Variants in CYP26B1 observed in about 807,000 individuals in gnomAD.
CYP26B1 encodes cytochrome P450 family 26 subfamily B member 1, also known as cytochrome P450 26B1.
A neutral mutation model predicts 39.1 loss-of-function variants in CYP26B1; 8 were observed. The ratio of observed to expected loss-of-function variants is 0.20; its 90% confidence interval spans 0.12 to 0.37. The LOEUF (loss-of-function observed/expected upper bound fraction) is 0.37. Among genes scored for constraint, CYP26B1 ranks in the 10% least tolerant of loss-of-function variants. The pLI is 1.00. For missense variants in CYP26B1, 615 were observed against 707.0 expected, an observed-to-expected ratio of 0.87 and a Z score of 1.48; for synonymous variants, 321 against 314.3, an observed-to-expected ratio of 1.02 and a Z score of -0.23.
Position 72,132,128 on chromosome 2 carries a change from C to T in CYP26B1, c.*99G>A, listed in dbSNP as rs963544549. 2.2e-6 allele frequency: 3 copies of T among 1,387,592 alleles called. No individual in the cohort carries two copies. Among genetic ancestry groups the T allele is most frequent in the East Asian group, 5.0e-5 (2 of 39,978 alleles). 86.0% of individuals were successfully genotyped at this position (1,387,592 alleles called of 1,614,324 possible). A position where few individuals can be genotyped will look rare whatever the true frequency, so the allele number is the denominator to read the frequency against. ...CAAGGGAGGGCAAGTATGGGGGCCA[C>T]TCGCCCTCCCCGTTCCGGCCCCCTC... On this transcript the variant is annotated 3_prime_UTR_variant, in exon 6 of 6. Coordinates refer to ENST00000001146, the MANE Select transcript of CYP26B1 (RefSeq NM_019885.4).
At chr2:72,142,104 C>T (rs556940694) in intron 2 of CYP26B1, among the ~76,000 whole-genome samples, 2 of 151,990 alleles carry the variant, frequency 1.3e-5, no homozygotes, top group South Asian at 2.1e-4. Flanking sequence ...TTCCCCCCAC[C>T]GCATTCCTGA....
rs1677047895 is a variant in CYP26B1, at chr2:72,144,228, C to G, written c.205-15G>C. ...AAGCCAGAACCCTGCGGGAGCCACA[C>G]CCGGGTCTCTCTCAGGGTGCACTTC... On this transcript the variant is annotated splice_polypyrimidine_tract_variant and intron_variant, in intron 1 of 5. Coordinates refer to ENST00000001146, the MANE Select transcript of CYP26B1 (RefSeq NM_019885.4). 1 of 1,577,322 alleles carries G rather than the reference C, an allele frequency of 6.3e-7. No homozygotes were observed. The highest frequency in any genetic ancestry group is 1.7e-5 in the Admixed American group (1 of 58,806).
intron 2 of CYP26B1, among the ~76,000 whole-genome samples, chr2:72,138,947 C>G (rs909040932): frequency 2.0e-5 from 3 of 152,332 alleles, no homozygotes; most frequent in Non-Finnish European, 4.4e-5. Context: ...CAAAAGCATT[C>G]TCCCCAACCA....
chr2:72,136,484 G>A (rs1241594819), intron 2 of CYP26B1, among the ~76,000 whole-genome samples: 1 of 152,256 alleles, frequency 6.6e-6, no homozygotes, highest in African/African-American at 2.4e-5. Flanking sequence ...AACAGTGCTG[G>A]CCCTTCAGTG....
rs1385026392 is a variant in CYP26B1 at position 72,135,419 on chromosome 2, C to A, written c.430G>T (p.Val144Phe). ...TCGTGGCTGAAGATCTTGGAGAAGA[C>A]CTGGAAGGCAGAGAGGCAAGTGGGT... ...IGDIHRNKRK[V>F]FSKIFSHEAL... The change falls in exon 3 of 6, where the codon GTC becomes TTC. Residue 144 changes from valine to phenylalanine, a missense_variant and splice_region_variant. Val to Phe is a conservative substitution (Grantham distance 50). Transcript: ENST00000001146. 2.5e-6 allele frequency: 4 copies of A among 1,609,252 alleles called. No homozygotes were observed. The highest frequency in any genetic ancestry group is 3.4e-6 in the Non-Finnish European group (4 of 1,180,024).
Position 72,133,188 on chromosome 2 carries a change from C to T in CYP26B1, c.981G>A (p.Arg327=). 6.2e-7 allele frequency: 1 copy of T among 1,612,282 alleles called. No homozygotes were observed. The highest frequency in any genetic ancestry group is 8.5e-7 in the Non-Finnish European group (1 of 1,179,406). ...CGCCACTGTGCAGGATGCCATGAGC[C>T]CGCAGCTCATCCCGCAGCTTCTCCA... The part of the protein sequence containing the change: ...TVLEKLRDEL[R]AHGILHSGGC... Residue 327 remains arginine, a synonymous_variant, in exon 5 of 6, where the codon CGG becomes CGA. Transcript: ENST00000001146.
In CYP26B1 at chr2:72,129,377, A is replaced by G. The variant is rs528504012; in HGVS notation, c.*2850T>C. ...AGATTAAAACCACGACAGCAAAAAC[A>G]CTCACACGGTACCAGTTTCATATCA... On this transcript the variant is annotated 3_prime_UTR_variant, in exon 6 of 6. Coordinates refer to ENST00000001146, the MANE Select transcript of CYP26B1 (RefSeq NM_019885.4). The G allele has an allele frequency of 3.5e-4, 54 of 152,590 alleles. No individual in the cohort carries two copies. The highest frequency in any genetic ancestry group is 1.3e-3 in the African/African-American group (53 of 41,480). The allele number at this position is 152,590 out of a possible 1,614,324, so 9.5% of individuals were successfully genotyped here.
At chr2:72,146,032 C>T (rs1300651654) in intron 1 of CYP26B1, among the ~76,000 whole-genome samples, 3 of 152,196 alleles carry the variant, frequency 2.0e-5, no homozygotes, top group African/African-American at 7.2e-5. Context: ...TCCCTCCTCA[C>T]CTCCAGATCT....
rs1200744820 is a variant in CYP26B1 at position 72,129,319 on chromosome 2, TG to T, written c.*2907del. On this transcript the variant is annotated 3_prime_UTR_variant, in exon 6 of 6. Coordinates refer to ENST00000001146, the MANE Select transcript of CYP26B1 (RefSeq NM_019885.4). Reference sequence around the variant, plus strand: ...AAAATCACAAAATGCACAACATTCATGTTTTTAATATGCAACATGGAATATT... The same window carrying T: ...AAAATCACAAAATGCACAACATTCATTTTTTAATATGCAACATGGAATATT... 2 of 152,508 alleles carry T rather than the reference TG, an allele frequency of 1.3e-5. No individual in the cohort carries two copies. Among genetic ancestry groups the T allele is most frequent in the African/African-American group, 2.4e-5 (1 of 41,370 alleles). 9.4% of individuals were successfully genotyped at this position (152,508 alleles called of 1,614,324 possible).
chr2:72,137,094 C>T (rs1676800016), intron 2 of CYP26B1, among the ~76,000 whole-genome samples: 2 of 152,140 alleles, frequency 1.3e-5, no homozygotes, highest in South Asian at 4.1e-4. Flanking sequence ...CAGCCCAGGA[C>T]CTACTAGGGG....
chr2:72,133,365 G>GC (rs1676658380), intron 4 of CYP26B1, 58 bp from the exon 5 acceptor site: 1 of 1,564,494 alleles, frequency 6.4e-7, no homozygotes, highest in African/African-American at 1.3e-5. Flanking sequence ...GGCAGGGGCC[G>GC]CCCCATTCAG....
At chr2:72,141,073 C>A (rs568877737) in intron 2 of CYP26B1, among the ~76,000 whole-genome samples, 2 of 152,160 alleles carry the variant, frequency 1.3e-5, no homozygotes, top group Non-Finnish European at 2.9e-5. Context: ...TTCTCTAGCT[C>A]CTTCTCCATG....
At position 72,135,264 on chromosome 2, in the gene CYP26B1, C is replaced by T; in HGVS notation, c.585G>A (p.Arg195=). ...AQKLTFRMAI[R]VLLGFSIPEE... is the part of the protein sequence containing the mutation. ...CAGGGATGCTGAAGCCCAGCAGCAC[C>T]CGGATGGCCATGCGGAAGGTCAGCT... Residue 195 remains arginine, a synonymous_variant, in exon 3 of 6, where the codon CGG becomes CGA. Coordinates refer to ENST00000001146, the MANE Select transcript of CYP26B1 (RefSeq NM_019885.4). 1 of 1,614,098 alleles carries T rather than the reference C, an allele frequency of 6.2e-7. No homozygotes were observed. Among genetic ancestry groups the T allele is most frequent in the South Asian group, 1.1e-5 (1 of 91,088 alleles).
intron 2 of CYP26B1, among the ~76,000 whole-genome samples, chr2:72,140,433 G>A (rs934201419): frequency 6.6e-5 from 10 of 152,396 alleles, no homozygotes; most frequent in South Asian, 2.1e-4. Flanking sequence ...GAACAAAGGC[G>A]TTGTGCCTAT....
chr2:72,132,616 A>C lies in CYP26B1; in HGVS notation c.1150T>G (p.Phe384Val). 6.2e-7 allele frequency: 1 copy of C among 1,603,156 alleles called. No homozygotes were observed. Among genetic ancestry groups the C allele is most frequent in the Non-Finnish European group, 8.5e-7 (1 of 1,175,264 alleles). Residue 384 changes from phenylalanine (F) to valine (V), a missense_variant, in exon 6 of 6, where the codon TTC becomes GTC. Phe to Val is a conservative substitution (Grantham distance 50). Transcript: ENST00000001146. ...ACACTCCAGCCTTTGGGGATCTGGA[A>C]ACCCTGGAGCAAGATGGGGGCCGAG... The part of the protein sequence containing the change: ...TVLQTFELDG[F>V]QIPKGWSVMY...
At chr2:72,135,057 A>C (rs986835856) in intron 3 of CYP26B1, 87 bp downstream of exon 3, 3 of 1,603,702 alleles carry the variant, frequency 1.9e-6, no homozygotes, top group Non-Finnish European at 2.5e-6. Context: ...CTAGGTGCCC[A>C]TCTCAGGGGT....
rs753122814 is a variant in CYP26B1 at position 72,130,439 on chromosome 2, G to C, written c.*1788C>G. 1 of 152,192 alleles carries C rather than the reference G, an allele frequency of 6.6e-6. No homozygotes were observed. Among genetic ancestry groups the C allele is most frequent in the African/African-American group, 2.4e-5 (1 of 41,414 alleles). 9.4% of individuals were successfully genotyped at this position (152,192 alleles called of 1,614,324 possible). A position where few individuals can be genotyped will look rare whatever the true frequency, so the allele number is the denominator to read the frequency against. On this transcript the variant is annotated 3_prime_UTR_variant, in exon 6 of 6. Transcript: ENST00000001146. Reference sequence around the variant, plus strand: ...AGAGCAGTCTGTGTGGTATGGGCCCGTTCCTATAGTCTATCTTCAGGGTGG... The same window carrying C: ...AGAGCAGTCTGTGTGGTATGGGCCCCTTCCTATAGTCTATCTTCAGGGTGG...
chr2:72,134,253 G>A (rs1207578930), intron 4 of CYP26B1, among the ~76,000 whole-genome samples: 4 of 136,064 alleles, frequency 2.9e-5, no homozygotes, highest in African/African-American at 5.4e-5. Flanking sequence ...TGAAACATCC[G>A]CCTAAAGCAG....
rs1676477528 is a variant in CYP26B1, at chr2:72,129,247, C to T, written c.*2980G>A. On this transcript the variant is annotated 3_prime_UTR_variant, in exon 6 of 6. Coordinates refer to ENST00000001146, the MANE Select transcript of CYP26B1 (RefSeq NM_019885.4). ...CGCAACGGAGACAAGGGCGGGTCCC[C>T]ACGGTTTATTCTAGAAGCCTATAGA... is the stretch of plus-strand genomic sequence containing the variant. 6.6e-6 allele frequency: 1 copy of T among 152,290 alleles called. No individual in the cohort carries two copies. Among genetic ancestry groups the T allele is most frequent in the South Asian group, 2.1e-4 (1 of 4,822 alleles). The allele number at this position is 152,290 out of a possible 1,614,324, so 9.4% of individuals were successfully genotyped here.
Sources: allele counts gnomAD v4.1 joint callset (sites outside exome capture counted in the v4.1 genomes callset), GRCh38; gene constraint gnomAD v4.1.1; transcripts MANE v1.5; gene names NCBI Gene and HGNC (gene_info 2026-07-23, HGNC 2026-07-21).